PPP2R2A: variants seen among roughly 807,000 people sequenced by gnomAD.
PPP2R2A encodes the protein serine/threonine-protein phosphatase 2A 55 kDa regulatory subunit B alpha isoform.
In PPP2R2A, 9 loss-of-function variants were observed where a neutral mutation model predicts 53.2. The observed-to-expected ratio is 0.17, with a 90% CI of 0.10 to 0.30. The LOEUF (loss-of-function observed/expected upper bound fraction) is 0.30. Ranked by LOEUF, PPP2R2A falls within the 10% of genes least tolerant of loss-of-function variation. The pLI is 1.00. For synonymous variants in PPP2R2A, 169 were observed against 174.2 expected (o/e 0.97, Z 0.23); for missense variants, 235 against 534.6 (o/e 0.44, Z 5.53).
chr8:26,347,099 A>G lies in PPP2R2A; in HGVS notation c.181-7369A>G, dbSNP rs189559323. On this transcript the variant is annotated intron_variant, in intron 3 of 9. Coordinates refer to ENST00000380737, the MANE Select transcript of PPP2R2A (RefSeq NM_002717.4). ...AGAATAAATTGTATTTAACACATGAAGAAAACGTGATCCAGGGGATTGTTA... is the reference window on the plus strand; with the variant it reads ...AGAATAAATTGTATTTAACACATGAGGAAAACGTGATCCAGGGGATTGTTA... Among the ~76,000 whole-genome samples, 6 of 152,352 alleles carry G rather than the reference A, an allele frequency of 3.9e-5. No individual in the cohort carries two copies. In the East Asian group the frequency reaches 7.7e-4, roughly 20 times the overall value.
At chr8:26,363,226 A>AC (rs1805207610) in intron 7 of PPP2R2A, 1 of 158,650 alleles carries the variant, frequency 6.3e-6, no homozygotes, top group South Asian at 2.0e-4. Context: ...AAAAAAAAAA[A>AC]AAACAACTTT....
At position 26,291,764 on chromosome 8, in the gene PPP2R2A, A is replaced by G; in HGVS notation, c.-56A>G. The G allele has an allele frequency of 6.8e-7, 1 of 1,464,690 alleles. No homozygotes were observed. Among genetic ancestry groups the G allele is most frequent in the South Asian group, 1.2e-5 (1 of 86,236 alleles). 90.7% of individuals were successfully genotyped at this position (1,464,690 alleles called of 1,614,324 possible). A position where few individuals can be genotyped will look rare whatever the true frequency, so the allele number is the denominator to read the frequency against. ...CCCCCATCCCCAGGTGAGGGGGGTGAGTTCAGGAAGCGGAGACCCCGAGGA... is the reference window on the plus strand; with the variant it reads ...CCCCCATCCCCAGGTGAGGGGGGTGGGTTCAGGAAGCGGAGACCCCGAGGA... On this transcript the variant is annotated 5_prime_UTR_variant, in exon 1 of 10. Transcript: ENST00000380737.
chr8:26,291,539 C>G lies in PPP2R2A; in HGVS notation c.-281C>G, dbSNP rs1055853775. ...GCCGGCGCCATTTTGAAAGTGGAGT[C>G]GCCTGCCCCTGCCGCTGCCGCCGCC... On this transcript the variant is annotated 5_prime_UTR_variant, in exon 1 of 10. Coordinates refer to ENST00000380737, the MANE Select transcript of PPP2R2A (RefSeq NM_002717.4). The G allele has an allele frequency of 6.8e-6, 3 of 440,058 alleles. No homozygotes were observed. Among genetic ancestry groups the G allele is most frequent in the East Asian group, 4.9e-5 (1 of 20,266 alleles). The allele number at this position is 440,058 out of a possible 1,614,324, so 27.3% of individuals were successfully genotyped here. A position where few individuals can be genotyped will look rare whatever the true frequency, so the allele number is the denominator to read the frequency against.
chr8:26,341,117 T>A (rs150411261), intron 3 of PPP2R2A, among the ~76,000 whole-genome samples: 1 of 152,284 alleles, frequency 6.6e-6, no homozygotes, highest in African/African-American at 2.4e-5. Context: ...CTCAGTAACA[T>A]GTCTTTTGAG....
intron 1 of PPP2R2A, 89 bp downstream of exon 1, chr8:26,291,915 G>C: frequency 6.8e-7 from 1 of 1,467,814 alleles, no homozygotes; most frequent in Middle Eastern, 1.8e-4. Context: ...CGCGCCTCGC[G>C]CAGAGCCACA....
chr8:26,304,769 A>C (rs1801938069), intron 2 of PPP2R2A, among the ~76,000 whole-genome samples: 1 of 152,212 alleles, frequency 6.6e-6, no homozygotes, highest in Non-Finnish European at 1.5e-5. Flanking sequence ...CAAGGCATGC[A>C]ACATGCAAAA....
chr8:26,291,533 T>C lies in PPP2R2A; in HGVS notation c.-287T>C, dbSNP rs1801289552. On this transcript the variant is annotated 5_prime_UTR_variant, in exon 1 of 10. Transcript: ENST00000380737. ...AGGCCAGCCGGCGCCATTTTGAAAG[T>C]GGAGTCGCCTGCCCCTGCCGCTGCC... 4.6e-6 allele frequency: 2 copies of C among 432,990 alleles called. No homozygotes were observed. The highest frequency in any genetic ancestry group is 2.5e-5 in the South Asian group (1 of 40,424). The allele number at this position is 432,990 out of a possible 1,614,324, so 26.8% of individuals were successfully genotyped here.
intron 2 of PPP2R2A, among the ~76,000 whole-genome samples, chr8:26,327,922 T>G (rs1258740269): frequency 1.3e-5 from 2 of 152,194 alleles, no homozygotes; most frequent in Non-Finnish European, 2.9e-5. Context: ...AGAACCTGAT[T>G]TCTGTGCTGT....
chr8:26,360,782 T>C lies in PPP2R2A; in HGVS notation c.460-192T>C. 1.9e-6 allele frequency: 1 copy of C among 531,176 alleles called. No homozygotes were observed. The highest frequency in any genetic ancestry group is 3.2e-6 in the Non-Finnish European group (1 of 312,766). 32.9% of individuals were successfully genotyped at this position (531,176 alleles called of 1,614,324 possible). On this transcript the variant is annotated intron_variant, in intron 5 of 9. Coordinates refer to ENST00000380737, the MANE Select transcript of PPP2R2A (RefSeq NM_002717.4). The surrounding 1 kb of genome is among the most constrained non-coding windows in gnomAD (Gnocchi z 4.5). ...GTATTGCAACCAGTAAAAGAAGATATATTATCCACATTGTTCATTTTTTCT... is the reference window on the plus strand; with the variant it reads ...GTATTGCAACCAGTAAAAGAAGATACATTATCCACATTGTTCATTTTTTCT...
chr8:26,369,583 C>G (rs532680875), intron 9 of PPP2R2A, among the ~76,000 whole-genome samples: 4 of 151,992 alleles, frequency 2.6e-5, no homozygotes, highest in African/African-American at 4.8e-5. Flanking sequence ...TAGTAGAGAC[C>G]GGGTTTCACC....
rs145074627 is a variant in PPP2R2A, at chr8:26,345,710, T to G, written c.180+6723T>G. Among the ~76,000 whole-genome samples the G allele has an allele frequency of 8.7e-4, 133 of 152,356 alleles. 2 individuals are homozygous for G. In the East Asian group the frequency reaches 0.024, roughly 28 times the overall value. On this transcript the variant is annotated intron_variant, in intron 3 of 9. Coordinates refer to ENST00000380737, the MANE Select transcript of PPP2R2A (RefSeq NM_002717.4). ...TGAGCGACTGCCCCTTTGCAGTTACTGTGTTTTTCCCTCTTTCTAAAAAAA... is the reference window on the plus strand; with the variant it reads ...TGAGCGACTGCCCCTTTGCAGTTACGGTGTTTTTCCCTCTTTCTAAAAAAA...
chr8:26,298,506 A>G (rs1294816375), intron 2 of PPP2R2A: 3 of 152,214 alleles, frequency 2.0e-5, no homozygotes, highest in Non-Finnish European at 4.4e-5. Flanking sequence ...ATGTTACATC[A>G]CACACTATGA....
chr8:26,361,581 G>A (rs1805084137), intron 6 of PPP2R2A, among the ~76,000 whole-genome samples: 1 of 152,012 alleles, frequency 6.6e-6, no homozygotes, highest in Non-Finnish European at 1.5e-5. Context: ...ACTCCAGCTT[G>A]GATGACAGAG....
At chr8:26,347,984 A>G (rs755420815) in intron 3 of PPP2R2A, among the ~76,000 whole-genome samples, 7 of 152,180 alleles carry the variant, frequency 4.6e-5, no homozygotes, top group Admixed American at 6.5e-5. Flanking sequence ...GAGAGTAGTT[A>G]TCAGATATCA....
rs5890307 is a variant in PPP2R2A at position 26,299,261 on chromosome 8, C to CA, written c.82+5533dup. On this transcript the variant is annotated intron_variant, in intron 2 of 9. Coordinates refer to ENST00000380737, the MANE Select transcript of PPP2R2A (RefSeq NM_002717.4). Reference sequence around the variant, plus strand: ...TGGACAATAGAGTAAGACTCTGTTTCAAAAAAAAAAAAGGAACAACTTAAC... The same window carrying CA: ...TGGACAATAGAGTAAGACTCTGTTTCAAAAAAAAAAAAAGGAACAACTTAAC... Among the ~76,000 whole-genome samples the CA allele has an allele frequency of 5.0e-4, 72 of 145,372 alleles. 1 individual carries two copies. The highest frequency in any genetic ancestry group is 3.7e-3 in the East Asian group (18 of 4,920).
rs1478047588 is a variant in PPP2R2A at position 26,342,503 on chromosome 8, GGTT to G, written c.180+3517_180+3519del. Among the ~76,000 whole-genome samples, 17 of 152,152 alleles carry G rather than the reference GGTT, an allele frequency of 1.1e-4. 1 individual carries two copies. Among genetic ancestry groups the G allele is most frequent in the Non-Finnish European group, 1.5e-5 (1 of 68,032 alleles). On this transcript the variant is annotated intron_variant, in intron 3 of 9. Transcript: ENST00000380737. Reference sequence around the variant, plus strand: ...GTAATTAGCAGTTGTCAAAGTAGCTGGTTTCCTACTGAGTTGGGTTGCTCAGAC... The same window carrying G: ...GTAATTAGCAGTTGTCAAAGTAGCTGTCCTACTGAGTTGGGTTGCTCAGAC...
chr8:26,331,773 A>G (rs1461510573), intron 2 of PPP2R2A, among the ~76,000 whole-genome samples: 1 of 152,236 alleles, frequency 6.6e-6, no homozygotes, highest in African/African-American at 2.4e-5. Flanking sequence ...ATTTTAAGAA[A>G]TAGTGGTTAC....
intron 2 of PPP2R2A, among the ~76,000 whole-genome samples, chr8:26,334,933 A>G (rs1415917146): frequency 6.6e-6 from 1 of 152,194 alleles, no homozygotes; most frequent in African/African-American, 2.4e-5. Context: ...TGGGTGTAGC[A>G]TGAAATGGTA....
At chr8:26,369,672 G>A (rs1471607177) in intron 9 of PPP2R2A, among the ~76,000 whole-genome samples, 3 of 152,190 alleles carry the variant, frequency 2.0e-5, no homozygotes, top group Middle Eastern at 3.2e-3. Flanking sequence ...GATTACAGGC[G>A]TGAGCCACTG....
Sources: allele counts gnomAD v4.1 joint callset (sites outside exome capture counted in the v4.1 genomes callset), GRCh38; gene constraint gnomAD v4.1.1; non-coding constraint Gnocchi (gnomAD v3.1); transcripts MANE v1.5; gene names NCBI Gene and HGNC (gene_info 2026-07-23, HGNC 2026-07-21).